The following MEGF8 variants were observed in gnomAD, a reference collection of about 807,000 sequenced individuals.
The protein encoded by MEGF8 is multiple EGF like domains 8.
MEGF8 carries 156 observed loss-of-function variants against 302.9 expected under a neutral mutation model. The observed-to-expected ratio is 0.52, with a 90% CI of 0.45 to 0.59. MEGF8 has a LOEUF of 0.59. Among genes scored for constraint, MEGF8 ranks in the 20% least tolerant of loss-of-function variants. MEGF8 has a pLI of 0.00. For missense variants in MEGF8, 3,345 were observed against 3,964.5 expected (o/e 0.84, Z 4.20); for synonymous variants, 1,621 against 1,660.5 (o/e 0.98, Z 0.58).
chr19:42,335,266 C>T, intron 4 of MEGF8, 31 bp from the exon 5 acceptor site: 1 of 1,613,652 alleles, frequency 6.2e-7, no homozygotes, highest in South Asian at 1.1e-5. Flanking sequence ...CAGCCTATGG[C>T]CAGGGCATGA....
chr19:42,334,681 C>G (rs963838193), intron 3 of MEGF8, among the ~76,000 whole-genome samples: 1 of 152,204 alleles, frequency 6.6e-6, no homozygotes, highest in Non-Finnish European at 1.5e-5. Context: ...ATGTCAACTA[C>G]GCTGTCTGTA....
Position 42,358,151 on chromosome 19 carries a change from TG to T in MEGF8, c.5021del (p.Gly1674ValfsTer56). On this transcript the variant is annotated frameshift_variant, in exon 29 of 42. Transcript: ENST00000251268. LOFTEE classifies it high-confidence loss of function. This position sits in a 1 kb window ranked among gnomAD's most constrained non-coding sequence, Gnocchi z 4.4. ...CACCCTGCCCCTCACCAGGTCTCTA[TG>T]GTCACTCTGCTGTCTACCACGAGGC... Reference protein sequence around the residue: ...QSGTPPTGLYGHSAVYHEATD... With the variant: ...QSGTPPTGLYXHSAVYHEATD... The T allele has an allele frequency of 6.3e-7, 1 of 1,587,032 alleles. No homozygotes were observed. The highest frequency in any genetic ancestry group is 1.2e-5 in the South Asian group (1 of 86,186).
rs368816432 is a variant in MEGF8 at position 42,351,409 on chromosome 19, C to T, written c.2856-20C>T. The T allele has an allele frequency of 2.8e-5, 44 of 1,583,868 alleles. No individual in the cohort carries two copies. Among genetic ancestry groups the T allele is most frequent in the Non-Finnish European group, 3.6e-5 (42 of 1,165,644 alleles). ...GTGTGCTGGCTGTGGAGTGACCTGG[C>T]CCCCTGCTCCCCACCCCAGGCGACT... On this transcript the variant is annotated intron_variant, in intron 16 of 41. Transcript: ENST00000251268. This position sits in a 1 kb window ranked among gnomAD's most constrained non-coding sequence, Gnocchi z 5.6.
At chr19:42,349,210 G>A (rs909237768) in intron 13 of MEGF8, among the ~76,000 whole-genome samples, 2 of 151,754 alleles carry the variant, frequency 1.3e-5, no homozygotes, top group Admixed American at 6.6e-5. Flanking sequence ...TGAGGTGGGA[G>A]GATCACTTGA....
In MEGF8 at chr19:42,329,982, G is replaced by C. The variant is rs529380854; in HGVS notation, c.187+3552G>C. On this transcript the variant is annotated intron_variant, in intron 1 of 41. Coordinates refer to ENST00000251268, the MANE Select transcript of MEGF8 (RefSeq NM_001271938.2). ...TTCCGAGAGAGAATCTTGCTCTGTTGCCCAGGCTGGAGTGCAGTGGCTTGA... is the reference window on the plus strand; with the variant it reads ...TTCCGAGAGAGAATCTTGCTCTGTTCCCCAGGCTGGAGTGCAGTGGCTTGA... Among the ~76,000 whole-genome samples the C allele has an allele frequency of 2.4e-3, 356 of 151,266 alleles. 2 individuals carry two copies. Among genetic ancestry groups the C allele is most frequent in the Middle Eastern group, 0.014 (4 of 294 alleles).
At chr19:42,361,891 G>C (rs2039536597) in intron 32 of MEGF8, among the ~76,000 whole-genome samples, 199 bp from the exon 33 acceptor site, 1 of 152,178 alleles carries the variant, frequency 6.6e-6, no homozygotes, top group Admixed American at 6.5e-5. Context: ...GACCTGGGGT[G>C]TGGTCCAGCG....
In MEGF8 at chr19:42,375,361, C is replaced by T; in HGVS notation, c.7270-146C>T. The stretch of plus-strand genomic sequence containing the variant: ...CTGTGGCAGAGAAGGTCCGGGGGGT[C>T]ACAGGGAAGTGACTGGGGCAGTGGG... On this transcript the variant is annotated intron_variant, in intron 41 of 41. Coordinates refer to ENST00000251268, the MANE Select transcript of MEGF8 (RefSeq NM_001271938.2). This position sits in a 1 kb window ranked among gnomAD's most constrained non-coding sequence, Gnocchi z 7.1. 1.2e-6 allele frequency: 1 copy of T among 854,300 alleles called. No homozygotes were observed. Among genetic ancestry groups the T allele is most frequent in the Non-Finnish European group, 1.8e-6 (1 of 568,982 alleles). The allele number at this position is 854,300 out of a possible 1,614,324, so 52.9% of individuals were successfully genotyped here.
Position 42,348,291 on chromosome 19 carries a change from C to T in MEGF8, c.2117C>T (p.Thr706Met), listed in dbSNP as rs772522369. 3.8e-5 allele frequency: 58 copies of T among 1,537,314 alleles called. No individual in the cohort carries two copies. The highest frequency in any genetic ancestry group is 4.4e-5 in the Non-Finnish European group (50 of 1,146,886). Reference sequence around the variant, plus strand: ...GCACAGGTCTCAATTGTCCGCAGCACGACCATCACCCTAACACCCAGCGCA... The same window carrying T: ...GCACAGGTCTCAATTGTCCGCAGCATGACCATCACCCTAACACCCAGCGCA... ...QPDKVSIVRS[T>M]TITLTPSAET... Residue 706 changes from threonine (T) to methionine (M), a missense_variant, in exon 13 of 42, where the codon ACG becomes ATG. Physicochemically the swap from Thr to Met is moderately conservative, Grantham distance 81. Transcript: ENST00000251268.
At position 42,344,832 on chromosome 19, in the gene MEGF8, A is replaced by G; in HGVS notation, c.2096A>G (p.Lys699Arg). 1 of 1,566,090 alleles carries G rather than the reference A, an allele frequency of 6.4e-7. No homozygotes were observed. The highest frequency in any genetic ancestry group is 8.7e-7 in the Non-Finnish European group (1 of 1,153,652). ...QQPPNTSQPD[K>R]VSIVRSTTIT... is the part of the protein sequence containing the mutation. ...CCGCCCAATACCTCCCAGCCTGACA[A>G]GGTGGGTAGGAGGCGTGGCCCTGGG... Residue 699 changes from lysine to arginine, a missense_variant and splice_region_variant, in exon 12 of 42, where the codon AAG becomes AGG. Transcript: ENST00000251268. The surrounding 1 kb of genome is among the most constrained non-coding windows in gnomAD (Gnocchi z 4.5).
Position 42,362,424 on chromosome 19 carries a change from A to T in MEGF8, c.5885A>T (p.Glu1962Val). Residue 1962 changes from glutamate to valine, a missense_variant, in exon 34 of 42, where the codon GAA becomes GTA. Glu to Val is a moderately radical substitution (Grantham distance 121). Coordinates refer to ENST00000251268, the MANE Select transcript of MEGF8 (RefSeq NM_001271938.2). ...PRCKWCTNCP[E>V]GACIGRNGSC... ...TGTAAGTGGTGTACCAACTGCCCCG[A>T]AGGTGCTTGCATTGGACGCAATGGG... The T allele has an allele frequency of 6.2e-7, 1 of 1,613,944 alleles. No homozygotes were observed. Among genetic ancestry groups the T allele is most frequent in the Non-Finnish European group, 8.5e-7 (1 of 1,179,868 alleles).
chr19:42,376,062 T>G lies in MEGF8; in HGVS notation c.7825T>G (p.Ser2609Ala). The G allele has an allele frequency of 6.2e-7, 1 of 1,604,518 alleles. No homozygotes were observed. ...TYPHEHHALK[S>A]SRFYLLLLGV... ...CCCACACGAGCACCATGCCCTCAAG[T>G]CGAGCCGCTTCTACCTGCTGCTGCT... Residue 2609 changes from serine (S) to alanine (A), a missense_variant, in exon 42 of 42, where the codon TCG becomes GCG. By Grantham distance (99) the Ser-to-Ala change is moderately conservative. Transcript: ENST00000251268. The surrounding 1 kb of genome is among the most constrained non-coding windows in gnomAD (Gnocchi z 8.2).
In MEGF8 at chr19:42,351,553, G is replaced by A. The variant is rs200485103; in HGVS notation, c.2980G>A (p.Asp994Asn). ...RYPHGGCRGW[D>N]DSVHSEPRCR... is the part of the protein sequence containing the mutation. ...CCCACACGGGGGCTGTCGAGGCTGG[G>A]ACGACAGGTATGGTCCCTGGGGCAG... Residue 994 changes from aspartate to asparagine, a missense_variant, in exon 17 of 42, where the codon GAC (aspartate) becomes AAC (asparagine). By Grantham distance (23) the Asp-to-Asn change is conservative. Coordinates refer to ENST00000251268, the MANE Select transcript of MEGF8 (RefSeq NM_001271938.2). This position sits in a 1 kb window ranked among gnomAD's most constrained non-coding sequence, Gnocchi z 5.6. The A allele has an allele frequency of 4.8e-5, 77 of 1,609,332 alleles. No individual in the cohort carries two copies. In the East Asian group the frequency reaches 1.7e-3, roughly 36 times the overall value.
At chr19:42,339,746 A>C (rs2039185957) in intron 8 of MEGF8, among the ~76,000 whole-genome samples, 1 of 152,192 alleles carries the variant, frequency 6.6e-6, no homozygotes, top group African/African-American at 2.4e-5. Context: ...GGCTATCCCC[A>C]AACAACAATC....
At position 42,350,361 on chromosome 19, in the gene MEGF8, C is replaced by A; in HGVS notation, c.2713C>A (p.Arg905=). 1 of 1,585,574 alleles carries A rather than the reference C, an allele frequency of 6.3e-7. No individual in the cohort carries two copies. Among genetic ancestry groups the A allele is most frequent in the Non-Finnish European group, 8.6e-7 (1 of 1,167,884 alleles). The change falls in exon 15 of 42, where the codon CGG becomes AGG. Residue 905 remains arginine, a synonymous_variant. Transcript: ENST00000251268. ...CCTCTGCCCACTCTGCGAGGAGCATCGGGACTGCCACGCCTGCACCCAGGT... is the reference window on the plus strand; with the variant it reads ...CCTCTGCCCACTCTGCGAGGAGCATAGGGACTGCCACGCCTGCACCCAGGT... The part of the protein sequence containing the change: ...PTLCPLCEEH[R]DCHACTQDPF...
intron 8 of MEGF8, among the ~76,000 whole-genome samples, chr19:42,341,429 C>CAAAAAAAAAAAA (rs35096733): frequency 1.8e-5 from 1 of 56,996 alleles, no homozygotes. Flanking sequence ...ACTCCATCTC[C>CAAAAAAAAAAAA]AAAAAAAAAA....
Position 42,369,021 on chromosome 19 carries a change from C to T in MEGF8, c.6641+19C>T, listed in dbSNP as rs762756093. 6.2e-7 allele frequency: 1 copy of T among 1,611,392 alleles called. No homozygotes were observed. The highest frequency in any genetic ancestry group is 2.2e-5 in the East Asian group (1 of 44,878). ...TGGACAAGTGAGGCCGCAGGCGGCG[C>T]TGGGGCCAGGCAGGCTAGGGTGGGA... is the stretch of plus-strand genomic sequence containing the variant. On this transcript the variant is annotated intron_variant, in intron 37 of 41. Coordinates refer to ENST00000251268, the MANE Select transcript of MEGF8 (RefSeq NM_001271938.2). The surrounding 1 kb of genome is among the most constrained non-coding windows in gnomAD (Gnocchi z 5.7).
chr19:42,350,331 C>A lies in MEGF8; in HGVS notation c.2683C>A (p.Pro895Thr). Residue 895 changes from proline (P) to threonine (T), a missense_variant, in exon 15 of 42, where the codon CCT (proline) becomes ACT (threonine). Pro to Thr is a conservative substitution (Grantham distance 38). Transcript: ENST00000251268. ...TGGTGGGTCCCTGCTGGTGCTGGTG[C>A]CTACCCTCTGCCCACTCTGCGAGGA... is the stretch of plus-strand genomic sequence containing the variant. ...GAGGSLLVLV[P>T]TLCPLCEEHR... is the part of the protein sequence containing the mutation. 2 of 1,606,374 alleles carry A rather than the reference C, an allele frequency of 1.2e-6. No individual in the cohort carries two copies. The highest frequency in any genetic ancestry group is 1.7e-6 in the Non-Finnish European group (2 of 1,178,896).
Position 42,351,949 on chromosome 19 carries a change from G to A in MEGF8, c.3101+188G>A, listed in dbSNP as rs2039380716. ...TTTCTCCATTTTTCCTCCTTTTCCGGCTCTCTGCGATTCGTTTTCTTTCTC... is the reference window on the plus strand; with the variant it reads ...TTTCTCCATTTTTCCTCCTTTTCCGACTCTCTGCGATTCGTTTTCTTTCTC... On this transcript the variant is annotated intron_variant, in intron 18 of 41. Transcript: ENST00000251268. This position sits in a 1 kb window ranked among gnomAD's most constrained non-coding sequence, Gnocchi z 5.6. Among the ~76,000 whole-genome samples, 1 of 151,668 alleles carries A rather than the reference G, an allele frequency of 6.6e-6. No individual in the cohort carries two copies. Among genetic ancestry groups the A allele is most frequent in the African/African-American group, 2.4e-5 (1 of 41,212 alleles).
chr19:42,337,536 C>G (rs932582447), intron 8 of MEGF8, among the ~76,000 whole-genome samples: 2 of 135,202 alleles, frequency 1.5e-5, no homozygotes, highest in Middle Eastern at 4.3e-3. Flanking sequence ...GAGACGGAGT[C>G]TCGCTGTTGC....
Sources: allele counts gnomAD v4.1 joint callset (sites outside exome capture counted in the v4.1 genomes callset), GRCh38; gene constraint gnomAD v4.1.1; non-coding constraint Gnocchi (gnomAD v3.1); transcripts MANE v1.5; gene names NCBI Gene and HGNC (gene_info 2026-07-23, HGNC 2026-07-21).